DAW1: variants seen among roughly 807,000 people sequenced by gnomAD.
DAW1 encodes the protein dynein assembly factor with WD repeat domains 1.
A neutral mutation model predicts 56.5 loss-of-function variants in DAW1; 47 were observed. The observed-to-expected ratio is 0.83, with a 90% CI of 0.66 to 1.06. The LOEUF is 1.06. DAW1 is among the 50% of genes least tolerant of loss of function. The pLI is 0.00. For synonymous variants in DAW1, 190 were observed against 179.0 expected, an observed-to-expected ratio of 1.06 and a Z score of -0.49; for missense variants, 505 against 499.3, an observed-to-expected ratio of 1.01 and a Z score of -0.11.
intron 10 of DAW1, among the ~76,000 whole-genome samples, chr2:227,908,283 C>A (rs1267281887): frequency 6.6e-6 from 1 of 152,144 alleles, no homozygotes; most frequent in Non-Finnish European, 1.5e-5. Context: ...TGATGCTGGG[C>A]CATATCTGCA....
chr2:227,885,626 CTCTTT>C (rs1168970449), intron 2 of DAW1, among the ~76,000 whole-genome samples: 1 of 150,130 alleles, frequency 6.7e-6, no homozygotes, highest in Non-Finnish European at 1.5e-5. Context: ...AGGGTTATCA[CTCTTT>C]TCTTTTTTTT....
At position 227,910,355 on chromosome 2, in the gene DAW1, C is replaced by G. The variant is rs138564530; in HGVS notation, c.973+3103C>G. ...AGGTGTGGTGGCATGCACCTGTAGACCTAACTACTCAGTAAGCTGAGGAAA... is the reference window on the plus strand; with the variant it reads ...AGGTGTGGTGGCATGCACCTGTAGAGCTAACTACTCAGTAAGCTGAGGAAA... On this transcript the variant is annotated intron_variant, in intron 10 of 12. Coordinates refer to ENST00000309931, the MANE Select transcript of DAW1 (RefSeq NM_178821.3). 7.2e-5 allele frequency among the ~76,000 whole-genome samples: 11 copies of G among 152,108 alleles called. No individual in the cohort carries two copies. In the East Asian group the frequency reaches 1.6e-3, roughly 21 times the overall value.
chr2:227,923,978 G>C lies in DAW1; in HGVS notation c.*10G>C. The C allele has an allele frequency of 6.2e-7, 1 of 1,614,018 alleles. No homozygotes were observed. Among genetic ancestry groups the C allele is most frequent in the Non-Finnish European group, 8.5e-7 (1 of 1,179,914 alleles). On this transcript the variant is annotated 3_prime_UTR_variant, in exon 13 of 13. Transcript: ENST00000309931. ...TAGGATATGGCGTTGACTGAAGGAA[G>C]CTGGTCAGTGAGCAACCTTGCTAGC...
intron 5 of DAW1, 150 bp downstream of exon 5, chr2:227,894,067 A>G (rs1691348855): frequency 1.3e-6 from 1 of 799,534 alleles, no homozygotes; most frequent in Non-Finnish European, 1.9e-6. Context: ...TTCAAAGCTT[A>G]AAAGGGTCTT....
intron 1 of DAW1, among the ~76,000 whole-genome samples, chr2:227,881,517 G>A (rs755072775): frequency 3.3e-5 from 5 of 152,168 alleles, no homozygotes; most frequent in Non-Finnish European, 5.9e-5. Context: ...GTAATACAAG[G>A]TGACCATGTA....
intron 10 of DAW1, among the ~76,000 whole-genome samples, chr2:227,909,732 A>G (rs1476944410): frequency 6.6e-6 from 1 of 152,182 alleles, no homozygotes; most frequent in Admixed American, 6.5e-5. Flanking sequence ...ACCGAGGGCC[A>G]GAGAAGATGG....
rs539188764 is a variant in DAW1 at position 227,887,469 on chromosome 2, T to A, written c.113+2046T>A. On this transcript the variant is annotated intron_variant, in intron 2 of 12. Coordinates refer to ENST00000309931, the MANE Select transcript of DAW1 (RefSeq NM_178821.3). ...TAAGAGGCTATAAAGATATTACTCA[T>A]AATCCCTACACTTGATAGGCTTTTT... Among the ~76,000 whole-genome samples the A allele has an allele frequency of 5.3e-5, 8 of 152,310 alleles. No homozygotes were observed. In the South Asian group the frequency reaches 1.7e-3, roughly 32 times the overall value.
rs576252648 is a variant in DAW1, at chr2:227,916,667, A to G, written c.974-2113A>G. 7.9e-5 allele frequency among the ~76,000 whole-genome samples: 12 copies of G among 152,274 alleles called. No homozygotes were observed. The South Asian group carries it at 2.5e-3, about 32-fold the overall frequency. On this transcript the variant is annotated intron_variant, in intron 10 of 12. Transcript: ENST00000309931. ...GCCATGTATACTATATTATTTGGGT[A>G]TCATCTTCTGTAGTCCACATATGAC...
At position 227,918,857 on chromosome 2, in the gene DAW1, G is replaced by C. The variant is rs1306131182; in HGVS notation, c.1050+1G>C. ...AGGTCATGAAGGTGAAATTTCAAAG[G>C]TGAGTCGCTTTCTCATTTGGAGGAG... On this transcript the variant is annotated splice_donor_variant, in intron 11 of 12. Transcript: ENST00000309931. LOFTEE classifies it high-confidence loss of function. 1.1e-5 allele frequency: 17 copies of C among 1,614,026 alleles called. No individual in the cohort carries two copies. The highest frequency in any genetic ancestry group is 1.4e-5 in the Non-Finnish European group (16 of 1,179,994).
chr2:227,898,486 A>G (rs995167201), intron 6 of DAW1, among the ~76,000 whole-genome samples: 2 of 151,766 alleles, frequency 1.3e-5, no homozygotes, highest in Admixed American at 1.3e-4. Flanking sequence ...ACGCCCCGCT[A>G]ATTTTTTGTA....
intron 11 of DAW1, among the ~76,000 whole-genome samples, chr2:227,919,263 C>T (rs1270434907): frequency 2.7e-5 from 4 of 147,768 alleles, no homozygotes; most frequent in Non-Finnish European, 5.9e-5. Context: ...AATTGAAGTA[C>T]TAAGATTAAG....
intron 4 of DAW1, among the ~76,000 whole-genome samples, chr2:227,891,823 A>G (rs1315088164): frequency 3.3e-5 from 5 of 152,216 alleles, no homozygotes; most frequent in Non-Finnish European, 5.9e-5. Context: ...GGCTTCCATA[A>G]TAAGGTAGCA....
At chr2:227,919,709 T>A (rs1692059877) in intron 11 of DAW1, among the ~76,000 whole-genome samples, 2 of 152,300 alleles carry the variant, frequency 1.3e-5, no homozygotes, top group South Asian at 4.1e-4. Flanking sequence ...ACCCAGTCAG[T>A]GATCTGAAGT....
intron 5 of DAW1, among the ~76,000 whole-genome samples, chr2:227,897,144 T>C (rs1228274320): frequency 1.3e-5 from 2 of 148,822 alleles, no homozygotes; most frequent in Non-Finnish European, 3.0e-5. Context: ...TGAGCACGTA[T>C]TGGAAGACAT....
At chr2:227,892,013 G>C (rs529228295) in intron 4 of DAW1, among the ~76,000 whole-genome samples, 76 of 152,210 alleles carry the variant, frequency 5.0e-4, no homozygotes, top group African/African-American at 1.8e-3. Context: ...GCATCACCCT[G>C]AGCTCTGCCC....
chr2:227,908,808 T>C (rs533906910), intron 10 of DAW1, among the ~76,000 whole-genome samples: 14 of 152,324 alleles, frequency 9.2e-5, no homozygotes, highest in African/African-American at 3.4e-4. Context: ...GTCTATGTCA[T>C]ATCGACATCA....
intron 5 of DAW1, among the ~76,000 whole-genome samples, chr2:227,897,211 C>T (rs1226714393): frequency 1.3e-5 from 2 of 151,242 alleles, no homozygotes; most frequent in Non-Finnish European, 2.9e-5. Flanking sequence ...CTAGGTCAGA[C>T]ACTCTGTTAG....
intron 1 of DAW1, among the ~76,000 whole-genome samples, chr2:227,880,345 A>C (rs1029064993): frequency 6.7e-6 from 1 of 149,842 alleles, no homozygotes; most frequent in Non-Finnish European, 1.5e-5. Flanking sequence ...TGTAATGTCC[A>C]TATTTTGCTG....
At chr2:227,907,332 G>C in intron 10 of DAW1, 80 bp downstream of exon 10, 3 of 1,161,008 alleles carry the variant, frequency 2.6e-6, no homozygotes, top group Non-Finnish European at 3.7e-6. Flanking sequence ...TACACTATGG[G>C]TCATTTCTTT....
Sources: allele counts gnomAD v4.1 joint callset (sites outside exome capture counted in the v4.1 genomes callset), GRCh38; gene constraint gnomAD v4.1.1; transcripts MANE v1.5; gene names NCBI Gene and HGNC (gene_info 2026-07-23, HGNC 2026-07-21).